Variants in CCND3 observed in about 807,000 individuals in gnomAD.
CCND3 encodes the protein G1/S-specific cyclin-D3.
Under a neutral mutation model 28.7 loss-of-function variants are expected in CCND3, and 9 were observed. The observed-to-expected ratio is 0.31, with a 90% CI of 0.19 to 0.55. CCND3 has a LOEUF of 0.55. CCND3 is among the 20% of genes least tolerant of loss of function. The pLI, the probability that CCND3 is intolerant of heterozygous loss-of-function variation, is 0.93. For synonymous variants in CCND3, 164 were observed against 163.9 expected (o/e 1.00, Z 0.00); for missense variants, 315 against 385.8 (o/e 0.82, Z 1.54).
At chr6:41,953,823 G>C (rs1395890505) in intron 1 of CCND3, among the ~76,000 whole-genome samples, 1 of 152,018 alleles carries the variant, frequency 6.6e-6, no homozygotes, top group Non-Finnish European at 1.5e-5. Context: ...ACTTCCATCA[G>C]TGGGGCACGG....
intron 1 of CCND3, among the ~76,000 whole-genome samples, chr6:41,966,498 T>C (rs545870644): frequency 3.9e-5 from 6 of 152,314 alleles, no homozygotes; most frequent in Non-Finnish European, 8.8e-5. Flanking sequence ...GCCCAGGTTC[T>C]ATATGTTTAT....
chr6:41,965,466 C>T (rs986862425), intron 1 of CCND3, among the ~76,000 whole-genome samples: 2 of 152,168 alleles, frequency 1.3e-5, no homozygotes, highest in African/African-American at 4.8e-5. Flanking sequence ...CCCTGGATTG[C>T]CTTGATGCCT....
rs1424345441 is a variant in CCND3 at position 41,937,408 on chromosome 6, G to A, written c.415-14C>T. ...CACCTCCCAGTCCTGAAAAAGCGGG[G>A]AAAGGGTGGGGTCAGTGGCTGGAGA... On this transcript the variant is annotated splice_polypyrimidine_tract_variant and intron_variant, in intron 2 of 4. Transcript: ENST00000372991. The A allele has an allele frequency of 6.2e-7, 1 of 1,613,756 alleles. No individual in the cohort carries two copies. The highest frequency in any genetic ancestry group is 1.3e-5 in the African/African-American group (1 of 74,926).
At chr6:41,971,829 C>T (rs1166222941) in intron 1 of CCND3, among the ~76,000 whole-genome samples, 2 of 151,500 alleles carry the variant, frequency 1.3e-5, no homozygotes, top group Non-Finnish European at 2.9e-5. Context: ...TGAGCCACCG[C>T]ACCCGGCCTT....
At chr6:42,035,460 T>C (rs956407209) in intron 1 of CCND3, among the ~76,000 whole-genome samples, 9 of 148,854 alleles carry the variant, frequency 6.0e-5, no homozygotes, top group South Asian at 4.3e-4. Context: ...CTCTGCCTCC[T>C]GGGTTCACGC....
At chr6:42,034,694 G>A (rs1561997257) in intron 1 of CCND3, among the ~76,000 whole-genome samples, 1 of 149,816 alleles carries the variant, frequency 6.7e-6, no homozygotes, top group Non-Finnish European at 1.5e-5. Context: ...TGGCCAGGAT[G>A]GTCTCAATCT....
chr6:41,992,606 G>C (rs986560134), intron 1 of CCND3, among the ~76,000 whole-genome samples: 3 of 151,288 alleles, frequency 2.0e-5, no homozygotes, highest in African/African-American at 4.9e-5. Context: ...GCGCCACCAC[G>C]CCCAGCTAAT....
chr6:42,048,792 C>G lies in CCND3; in HGVS notation c.-337G>C. The G allele has an allele frequency of 2.3e-6, 1 of 434,610 alleles. No homozygotes were observed. Among genetic ancestry groups the G allele is most frequent in the Non-Finnish European group, 4.6e-6 (1 of 219,444 alleles). 26.9% of individuals were successfully genotyped at this position (434,610 alleles called of 1,614,324 possible). Reference sequence around the variant, plus strand: ...TGCTCTGCTCAGCCAAGTTTCGGTCCCCGGCCTGACTCTCCCACCCCCTGT... The same window carrying G: ...TGCTCTGCTCAGCCAAGTTTCGGTCGCCGGCCTGACTCTCCCACCCCCTGT... On this transcript the variant is annotated 5_prime_UTR_variant, in exon 1 of 5. Coordinates refer to the CCND3 transcript ENST00000372988. This position sits in a 1 kb window ranked among gnomAD's most constrained non-coding sequence, Gnocchi z 4.7.
At chr6:41,977,757 G>A (rs1762223677) in intron 1 of CCND3, among the ~76,000 whole-genome samples, 1 of 152,136 alleles carries the variant, frequency 6.6e-6, no homozygotes, top group Non-Finnish European at 1.5e-5. Flanking sequence ...TCCTTTACCA[G>A]CCTCCCGAAT....
intron 1 of CCND3, among the ~76,000 whole-genome samples, chr6:42,032,679 C>T (rs1764077335): frequency 6.6e-6 from 1 of 152,318 alleles, no homozygotes. Context: ...TGTCCAGCCC[C>T]CTCCCTGACA....
Position 41,990,660 on chromosome 6 carries a change from A to ATTTTTTT in CCND3, c.-45-50082_-45-50076dup, listed in dbSNP as rs67939325. Among the ~76,000 whole-genome samples the ATTTTTTT allele has an allele frequency of 8.2e-5, 10 of 121,294 alleles. 2 individuals carry two copies. Among genetic ancestry groups the ATTTTTTT allele is most frequent in the African/African-American group, 1.9e-4 (6 of 31,696 alleles). The allele number at this position is 121,294 out of a possible 152,430, so 79.6% of individuals were successfully genotyped here. On this transcript the variant is annotated intron_variant, in intron 1 of 4. Coordinates refer to the CCND3 transcript ENST00000372988. ...TAGTCCATGAATCTATAACCAACTG[A>ATTTTTTT]TTTTTTTTTTTTTTTTTTTTTTTTT...
At chr6:42,045,733 T>G (rs1016258007) in intron 1 of CCND3, among the ~76,000 whole-genome samples, 1 of 152,198 alleles carries the variant, frequency 6.6e-6, no homozygotes, top group South Asian at 2.1e-4. Context: ...GATTTAAAAT[T>G]TAAATGTCTT....
chr6:41,975,083 T>G (rs1046582033), intron 1 of CCND3, among the ~76,000 whole-genome samples: 5 of 152,140 alleles, frequency 3.3e-5, no homozygotes, highest in Non-Finnish European at 7.3e-5. Context: ...TGAGCCACCG[T>G]GCCTGGCCCC....
Position 41,935,715 on chromosome 6 carries a change from C to A in CCND3, c.*225G>T. 1 of 552,458 alleles carries A rather than the reference C, an allele frequency of 1.8e-6. No homozygotes were observed. Among genetic ancestry groups the A allele is most frequent in the South Asian group, 2.5e-5 (1 of 40,514 alleles). 34.2% of individuals were successfully genotyped at this position (552,458 alleles called of 1,614,324 possible). A position where few individuals can be genotyped will look rare whatever the true frequency, so the allele number is the denominator to read the frequency against. ...TAGAGTTGGGAAAGGCGCTGCTGGT[C>A]AGATGCAGGGAGGAGGAGCTTGACT... On this transcript the variant is annotated 3_prime_UTR_variant, in exon 5 of 5. Transcript: ENST00000372991.
chr6:41,982,003 C>T (rs1198928311), intron 1 of CCND3, among the ~76,000 whole-genome samples: 8 of 151,736 alleles, frequency 5.3e-5, no homozygotes, highest in Admixed American at 5.3e-4. Flanking sequence ...GGCACGGTGG[C>T]TTATGCCTGC....
At chr6:42,014,538 T>C (rs1763442878) in intron 1 of CCND3, among the ~76,000 whole-genome samples, 1 of 152,198 alleles carries the variant, frequency 6.6e-6, no homozygotes, top group African/African-American at 2.4e-5. Flanking sequence ...TGGAAAATGC[T>C]CATCCTATAT....
intron 1 of CCND3, among the ~76,000 whole-genome samples, chr6:41,988,628 G>T (rs951996677): frequency 6.6e-6 from 1 of 151,956 alleles, no homozygotes; most frequent in Non-Finnish European, 1.5e-5. Context: ...GGCCTCATGG[G>T]GGATGGCTTT....
At chr6:42,003,869 G>A (rs1473892402) in intron 1 of CCND3, among the ~76,000 whole-genome samples, 1 of 149,672 alleles carries the variant, frequency 6.7e-6, no homozygotes, top group African/African-American at 2.5e-5. Flanking sequence ...TTGAGCCTGG[G>A]AGGTTGAGGC....
chr6:41,973,138 T>C (rs1762080325), intron 1 of CCND3, among the ~76,000 whole-genome samples: 2 of 152,108 alleles, frequency 1.3e-5, no homozygotes, highest in Admixed American at 1.3e-4. Context: ...TCCCCAAATT[T>C]TCTGTCTCAG....
Sources: gnomAD v4.1 joint callset for allele counts (sites outside exome capture counted in the v4.1 genomes callset) on GRCh38, gnomAD v4.1.1 for gene constraint, Gnocchi (gnomAD v3.1) non-coding constraint, MANE v1.5 for transcripts, NCBI Gene and HGNC (gene_info 2026-07-23, HGNC 2026-07-21) for gene names.